FGD5: variants seen among roughly 807,000 people sequenced by gnomAD.
FGD5 encodes the protein FYVE, RhoGEF and PH domain-containing protein 5.
FGD5 carries 28 observed loss-of-function variants against 133.4 expected under a neutral mutation model. The observed-to-expected ratio is 0.21, with a 90% CI of 0.16 to 0.29. The LOEUF (loss-of-function observed/expected upper bound fraction) is 0.29. FGD5 is among the 10% of genes least tolerant of loss of function. FGD5 has a pLI of 1.00. For missense variants in FGD5, 1,858 were observed against 1,895.2 expected, an observed-to-expected ratio of 0.98 and a Z score of 0.36; for synonymous variants, 810 against 776.5, an observed-to-expected ratio of 1.04 and a Z score of -0.72.
Position 14,910,867 on chromosome 3 carries a change from C to G in FGD5, c.3343C>G (p.Leu1115Val). Residue 1115 changes from leucine to valine, a missense_variant, in exon 11 of 20, where the codon CTG becomes GTG. This residue lies in a region of FGD5 where 1,824 missense variants were observed against 1,848.9 expected (regional missense o/e 0.99). Transcript: ENST00000285046. ...GDLLQPGREF[L>V]KEGTLMKVTG... is the part of the protein sequence containing the mutation. ...TCTGCTTCTCTCCCCACAGGAGTTT[C>G]TGAAGGAAGGGACGCTGATGAAAGT... The G allele has an allele frequency of 3.7e-6, 6 of 1,613,230 alleles. No individual in the cohort carries two copies. The highest frequency in any genetic ancestry group is 1.1e-5 in the South Asian group (1 of 90,808).
chr3:14,907,512 G>A lies in FGD5; in HGVS notation c.3265-128G>A, dbSNP rs552778930. The A allele has an allele frequency of 7.0e-5, 53 of 761,038 alleles. No homozygotes were observed. The African/African-American group carries it at 8.8e-4, about 13-fold the overall frequency. 47.1% of individuals were successfully genotyped at this position (761,038 alleles called of 1,614,324 possible). ...CCAGTCCTGCCTTGTACAGGAGGTT[G>A]GATTTGGGGCAGGCCTTTCCGGGCT... On this transcript the variant is annotated intron_variant, in intron 9 of 19. Coordinates refer to ENST00000285046, the MANE Select transcript of FGD5 (RefSeq NM_152536.4).
chr3:14,820,612 G>A lies in FGD5; in HGVS notation c.1541G>A (p.Gly514Asp), dbSNP rs768113664. Residue 514 changes from glycine to aspartate, a missense_variant, in exon 1 of 20, where the codon GGT (glycine) becomes GAT (aspartate). Physicochemically the swap from Gly to Asp is moderately conservative, Grantham distance 94. Coordinates refer to ENST00000285046, the MANE Select transcript of FGD5 (RefSeq NM_152536.4). ...GGCTCGTCAGCCCCTGGCATTGGAG[G>A]TGCCGCAGAGGAGGTGGGAAAGACG... ...EAGSSAPGIG[G>D]AAEEVGKTLL... 2.5e-6 allele frequency: 4 copies of A among 1,606,948 alleles called. No individual in the cohort carries two copies. The East Asian group carries it at 6.7e-5, about 27-fold the overall frequency.
intron 11 of FGD5, among the ~76,000 whole-genome samples, chr3:14,915,127 A>G (rs775503171): frequency 4.6e-5 from 7 of 152,212 alleles, no homozygotes; most frequent in Non-Finnish European, 1.0e-4. Context: ...TGGCCCCTAC[A>G]GGACAGTGCC....
At chr3:14,858,898 T>C (rs1004142547) in intron 1 of FGD5, among the ~76,000 whole-genome samples, 2 of 152,222 alleles carry the variant, frequency 1.3e-5, no homozygotes, top group South Asian at 4.1e-4. Context: ...ATCAACCTCG[T>C]AGCAATACCA....
intron 18 of FGD5, among the ~76,000 whole-genome samples, chr3:14,928,088 C>A (rs2038842728): frequency 6.6e-6 from 1 of 151,986 alleles, no homozygotes; most frequent in African/African-American, 2.4e-5. Flanking sequence ...ACTACAGGCG[C>A]CCACCACCAC....
chr3:14,912,241 G>A (rs1448305445), intron 11 of FGD5, among the ~76,000 whole-genome samples: 1 of 152,300 alleles, frequency 6.6e-6, no homozygotes, highest in South Asian at 2.1e-4. Context: ...GTGCTGGCAG[G>A]GTGTGCTGGG....
rs1263326613 is a variant in FGD5, at chr3:14,880,755, C to G, written c.2731C>G (p.Leu911Val). The G allele has an allele frequency of 1.9e-6, 3 of 1,613,978 alleles. No individual in the cohort carries two copies. Among genetic ancestry groups the G allele is most frequent in the Non-Finnish European group, 2.5e-6 (3 of 1,179,876 alleles). ...LSSEKAYVEM[L>V]QHLNLDFHGA... Reference sequence around the variant, plus strand: ...TTCCCTCTGCAGATACGTGGAGATGCTCCAGCACTTAAATCTGGTGAGTTA... The same window carrying G: ...TTCCCTCTGCAGATACGTGGAGATGGTCCAGCACTTAAATCTGGTGAGTTA... Residue 911 changes from leucine (L) to valine (V), a missense_variant, in exon 4 of 20, where the codon CTC becomes GTC. Transcript: ENST00000285046.
intron 11 of FGD5, among the ~76,000 whole-genome samples, chr3:14,912,571 T>C (rs1173134179): frequency 6.6e-6 from 1 of 152,080 alleles, no homozygotes; most frequent in Non-Finnish European, 1.5e-5. Flanking sequence ...ACACCTCCAG[T>C]GTTGGGGAGC....
At chr3:14,818,891 G>A, upstream of FGD5, 1 of 1,416,728 alleles carries the variant, frequency 7.1e-7, no homozygotes, top group Non-Finnish European at 9.2e-7. Flanking sequence ...CTGGTGTGTA[G>A]GAGACTCTGA....
chr3:14,932,780 C>T (rs1384420218), intron 19 of FGD5, 49 bp downstream of exon 19: 1 of 1,582,690 alleles, frequency 6.3e-7, no homozygotes, highest in Non-Finnish European at 8.6e-7. Context: ...TCTCAGAAGG[C>T]AACAAGTTGT....
At chr3:14,876,828 GA>G (rs1026261802) in intron 2 of FGD5, among the ~76,000 whole-genome samples, 2 of 152,194 alleles carry the variant, frequency 1.3e-5, no homozygotes, top group Non-Finnish European at 2.9e-5. Flanking sequence ...TTTACAGTTG[GA>G]AAAACTAAGG....
Position 14,820,405 on chromosome 3 carries a change from G to C in FGD5, c.1334G>C (p.Gly445Ala), listed in dbSNP as rs747328399. ...CCCGGTCAGGCGGCCCCTGGAGAAG[G>C]AGGGCAGGCTGCATCGGACGCCCTG... is the stretch of plus-strand genomic sequence containing the variant. ...GLPGQAAPGE[G>A]GQAASDALGG... The change falls in exon 1 of 20, where the codon GGA becomes GCA. Residue 445 changes from glycine to alanine, a missense_variant. Gly to Ala is a moderately conservative substitution (Grantham distance 60, BLOSUM62 0). This residue lies in a region of FGD5 where 1,824 missense variants were observed against 1,848.9 expected (regional missense o/e 0.99). Coordinates refer to ENST00000285046, the MANE Select transcript of FGD5 (RefSeq NM_152536.4). 2 of 1,613,990 alleles carry C rather than the reference G, an allele frequency of 1.2e-6. No homozygotes were observed. Among genetic ancestry groups the C allele is most frequent in the East Asian group, 4.5e-5 (2 of 44,872 alleles).
chr3:14,873,396 G>A (rs1365707705), intron 2 of FGD5, among the ~76,000 whole-genome samples: 3 of 152,234 alleles, frequency 2.0e-5, no homozygotes, highest in East Asian at 1.9e-4. Flanking sequence ...AGGCCTAAGT[G>A]CTCCTTGGAA....
chr3:14,866,447 C>T (rs1379430089), intron 2 of FGD5, among the ~76,000 whole-genome samples: 1 of 152,060 alleles, frequency 6.6e-6, no homozygotes, highest in East Asian at 1.9e-4. Context: ...GGTCTCCCGG[C>T]CACTGCTTGG....
Position 14,821,182 on chromosome 3 carries a change from C to G in FGD5, c.2111C>G (p.Pro704Arg). The change falls in exon 1 of 20, where the codon CCT (proline) becomes CGT (arginine). Residue 704 changes from proline to arginine, a missense_variant. Pro to Arg is a moderately radical substitution (Grantham distance 103). Coordinates refer to ENST00000285046, the MANE Select transcript of FGD5 (RefSeq NM_152536.4). ...EVDRRSLSNS[P>R]QLKSRTGKLR... ...GACCGGAGAAGCCTCAGCAACTCCC[C>G]TCAGCTTAAGTCTCGGACTGGGAAG... 6.2e-7 allele frequency: 1 copy of G among 1,613,990 alleles called. No individual in the cohort carries two copies. The highest frequency in any genetic ancestry group is 8.5e-7 in the Non-Finnish European group (1 of 1,179,894).
At chr3:14,886,759 C>A (rs2037931585) in intron 4 of FGD5, among the ~76,000 whole-genome samples, 1 of 152,232 alleles carries the variant, frequency 6.6e-6, no homozygotes, top group African/African-American at 2.4e-5. Context: ...TAATAATCCC[C>A]TTTGTGATTT....
rs765306661 is a variant in FGD5, at chr3:14,864,164, G to A, written c.2562G>A (p.Ser854=). 6.2e-6 allele frequency: 10 copies of A among 1,613,862 alleles called. No homozygotes were observed. Among genetic ancestry groups the A allele is most frequent in the East Asian group, 2.2e-5 (1 of 44,894 alleles). The change falls in exon 2 of 20, where the codon TCG becomes TCA. Residue 854 remains serine, a synonymous_variant. Transcript: ENST00000285046. ...YTEPYKVCPI[S]SAAPKEDLTS... ...AGCCCTACAAAGTCTGTCCCATCTC[G>A]TCGGCAGCCCCCAAAGAGGACCTTA...
chr3:14,884,103 C>T (rs2037879168), intron 4 of FGD5, among the ~76,000 whole-genome samples: 1 of 152,138 alleles, frequency 6.6e-6, no homozygotes, highest in African/African-American at 2.4e-5. Flanking sequence ...CGAGAAGTAC[C>T]AAAAATGCTG....
At chr3:14,918,727 T>C in intron 12 of FGD5, 27 bp from the exon 13 acceptor site, 7 of 1,456,144 alleles carry the variant, frequency 4.8e-6, no homozygotes, top group South Asian at 1.1e-5. Flanking sequence ...TGCCCCACCC[T>C]GAAGGAGGCT....
Sources: allele counts gnomAD v4.1 joint callset (sites outside exome capture counted in the v4.1 genomes callset), GRCh38; gene constraint gnomAD v4.1.1; regional missense constraint gnomAD v4.1.1; transcripts MANE v1.5; gene names NCBI Gene and HGNC (gene_info 2026-07-23, HGNC 2026-07-21).